The following XKR3 variants were observed in gnomAD, a reference collection of about 807,000 sequenced individuals.
XKR3 encodes XK related 3.
Under a neutral mutation model 40.3 loss-of-function variants are expected in XKR3, and 27 were observed. The observed-to-expected ratio is 0.67, with a 90% CI of 0.49 to 0.92. The LOEUF is 0.92. Ranked by LOEUF, XKR3 falls within the 40% of genes least tolerant of loss-of-function variation. The pLI is 0.00. For missense variants in XKR3, 472 were observed against 537.6 expected (o/e 0.88, Z 1.21); for synonymous variants, 193 against 195.4 (o/e 0.99, Z 0.10).
At chr22:16,822,038 A>C (rs2060258842) in intron 1 of XKR3, among the ~76,000 whole-genome samples, 2 of 152,162 alleles carry the variant, frequency 1.3e-5, no homozygotes, top group South Asian at 4.1e-4. Flanking sequence ...AATGGCTGTG[A>C]TAGGTGCCAC....
At chr22:16,809,323 G>T (rs2060203306) in intron 1 of XKR3, among the ~76,000 whole-genome samples, 1 of 151,898 alleles carries the variant, frequency 6.6e-6, no homozygotes, top group Non-Finnish European at 1.5e-5. Flanking sequence ...CAATATGATT[G>T]ATCTTTTTCT....
intron 1 of XKR3, among the ~76,000 whole-genome samples, chr22:16,809,207 C>A (rs892997275): frequency 6.6e-6 from 1 of 152,108 alleles, no homozygotes; most frequent in African/African-American, 2.4e-5. Context: ...TCCTCAACTT[C>A]TTTTGTTTTT....
At position 16,807,824 on chromosome 22, in the gene XKR3, T is replaced by C. The variant is rs1315438838; in HGVS notation, c.250A>G (p.Ile84Val). Residue 84 changes from isoleucine to valine, a missense_variant, in exon 2 of 4, where the codon ATC (isoleucine) becomes GTC (valine). Physicochemically the swap from Ile to Val is conservative, Grantham distance 29 (BLOSUM62 3). Coordinates refer to ENST00000684488, the MANE Select transcript of XKR3 (RefSeq NM_001386955.1). ...AAGTCTTTGTTGAAAAACATCAGGA[T>C]AATTTGATCCAAAATTGCCCCCACA... is the stretch of plus-strand genomic sequence containing the variant. ...IIVGAILDQI[I>V]LMFFNKDLRR... 9 of 1,613,990 alleles carry C rather than the reference T, an allele frequency of 5.6e-6. No individual in the cohort carries two copies. Among genetic ancestry groups the C allele is most frequent in the Non-Finnish European group, 7.6e-6 (9 of 1,179,906 alleles).
intron 3 of XKR3, among the ~76,000 whole-genome samples, chr22:16,798,833 C>T (rs556604584): frequency 1.6e-4 from 24 of 152,126 alleles, no homozygotes; most frequent in African/African-American, 5.3e-4. Context: ...ATGGAAATAA[C>T]AAACATTGTC....
At position 16,790,731 on chromosome 22, in the gene XKR3, GA is replaced by G. The variant is rs2060112176; in HGVS notation, c.590-6323del. On this transcript the variant is annotated intron_variant, in intron 3 of 3. Transcript: ENST00000684488. ...GAAGTTAAATTTTAAAAATTAGAAA[GA>G]AAAAAATAAACAATTCTCCGTAAAG... is the stretch of plus-strand genomic sequence containing the variant. 4.0e-5 allele frequency among the ~76,000 whole-genome samples: 6 copies of G among 151,816 alleles called. No homozygotes were observed. In the South Asian group the frequency reaches 1.0e-3, roughly 26 times the overall value.
intron 3 of XKR3, 152 bp downstream of exon 3, chr22:16,799,619 T>C (rs1185481831): frequency 1.0e-5 from 9 of 875,556 alleles, no homozygotes; most frequent in Middle Eastern, 6.8e-4. Context: ...TTTTATAATC[T>C]GCTAATCAAA....
At chr22:16,824,805 G>A (rs1255531783) in intron 1 of XKR3, among the ~76,000 whole-genome samples, 1 of 152,108 alleles carries the variant, frequency 6.6e-6, no homozygotes, top group Non-Finnish European at 1.5e-5. Flanking sequence ...AAACACTTAT[G>A]AAAATATGCA....
intron 1 of XKR3, among the ~76,000 whole-genome samples, chr22:16,810,316 T>C (rs933441180): frequency 1.3e-5 from 2 of 152,194 alleles, no homozygotes; most frequent in Non-Finnish European, 1.5e-5. Context: ...ATGTTTCCCA[T>C]TTCACCTGAT....
In XKR3 at chr22:16,804,835, C is replaced by G. The variant is rs181615634; in HGVS notation, c.335+2904G>C. ...TTTATTTGATTGATGTCTCATGCCT[C>G]CCTAAAATGTATAAAACCACGCTGT... is the stretch of plus-strand genomic sequence containing the variant. On this transcript the variant is annotated intron_variant, in intron 2 of 3. Transcript: ENST00000684488. Among the ~76,000 whole-genome samples, 413 of 152,242 alleles carry G rather than the reference C, an allele frequency of 2.7e-3. 2 individuals are homozygous for G. Among genetic ancestry groups the G allele is most frequent in the African/African-American group, 8.8e-3 (364 of 41,526 alleles).
intron 1 of XKR3, chr22:16,821,483 C>T (rs373025036): frequency 8.6e-5 from 13 of 151,914 alleles, no homozygotes; most frequent in African/African-American, 3.1e-4. Flanking sequence ...AGTGAATTTG[C>T]TTTCCAGGTA....
At chr22:16,824,429 A>C (rs1023939166) in intron 1 of XKR3, among the ~76,000 whole-genome samples, 16 of 152,296 alleles carry the variant, frequency 1.1e-4, no homozygotes, top group Middle Eastern at 3.4e-3. Flanking sequence ...GAAAAGCAGA[A>C]AGAAAATAAG....
intron 3 of XKR3, 52 bp from the exon 4 acceptor site, chr22:16,784,461 C>T (rs1252688265): frequency 6.1e-6 from 9 of 1,474,218 alleles, no homozygotes; most frequent in Non-Finnish European, 8.2e-6. Context: ...TTAGTAATGA[C>T]CACTTTCTTT....
intron 1 of XKR3, among the ~76,000 whole-genome samples, chr22:16,823,376 C>A (rs2060263894): frequency 6.6e-6 from 1 of 152,132 alleles, no homozygotes; most frequent in African/African-American, 2.4e-5. Context: ...ATCATGACCA[C>A]CATCATCATT....
intron 3 of XKR3, among the ~76,000 whole-genome samples, chr22:16,788,788 C>T (rs1330495758): frequency 2.0e-5 from 3 of 151,982 alleles, no homozygotes; most frequent in African/African-American, 7.2e-5. Context: ...GAAAATCATT[C>T]ATGATTTTCC....
intron 2 of XKR3, among the ~76,000 whole-genome samples, chr22:16,800,935 A>C (rs1301166114): frequency 6.6e-6 from 1 of 152,214 alleles, no homozygotes; most frequent in Non-Finnish European, 1.5e-5. Context: ...TCTAGAAAAC[A>C]AAATATAAAA....
intron 1 of XKR3, among the ~76,000 whole-genome samples, chr22:16,822,323 T>A (rs1392349792): frequency 1.3e-5 from 2 of 151,360 alleles, no homozygotes; most frequent in African/African-American, 4.9e-5. Context: ...ACTACAAACC[T>A]CAAAGCAAGA....
At chr22:16,786,059 A>T (rs5994015) in intron 3 of XKR3, among the ~76,000 whole-genome samples, 3,071 of 152,264 alleles carry the variant, frequency 0.02, 102 homozygotes, top group African/African-American at 0.069. Flanking sequence ...TTAGCATTGT[A>T]ACTGCATTTA....
At chr22:16,810,402 T>C (rs1285330603) in intron 1 of XKR3, among the ~76,000 whole-genome samples, 2 of 152,196 alleles carry the variant, frequency 1.3e-5, no homozygotes, top group Non-Finnish European at 2.9e-5. Context: ...TTTCTATTAA[T>C]CATCAAATTC....
intron 1 of XKR3, among the ~76,000 whole-genome samples, chr22:16,810,843 A>G (rs2060209425): frequency 6.6e-6 from 1 of 152,142 alleles, no homozygotes; most frequent in Non-Finnish European, 1.5e-5. Context: ...GGGCCCCAAT[A>G]CATACTACAA....
Sources: allele counts gnomAD v4.1 joint callset (sites outside exome capture counted in the v4.1 genomes callset), GRCh38; gene constraint gnomAD v4.1.1; transcripts MANE v1.5; gene names NCBI Gene and HGNC (gene_info 2026-07-23, HGNC 2026-07-21).